ANO4: variants seen among roughly 807,000 people sequenced by gnomAD.
ANO4 encodes anoctamin 4, also known as anoctamin-4.
Under a neutral mutation model 141.9 loss-of-function variants are expected in ANO4, and 69 were observed. That is an observed-to-expected ratio of 0.49 (90% CI 0.40 to 0.59). The LOEUF is 0.59. Ranked by LOEUF, ANO4 falls within the 20% of genes least tolerant of loss-of-function variation. The pLI is 0.00. For synonymous variants in ANO4, 350 were observed against 394.3 expected (o/e 0.89, Z 1.33); for missense variants, 894 against 1,162.2 (o/e 0.77, Z 3.36).
chr12:100,941,129 A>G (rs978031034), intron 4 of ANO4, among the ~76,000 whole-genome samples: 2 of 152,060 alleles, frequency 1.3e-5, no homozygotes, highest in Non-Finnish European at 2.9e-5. Flanking sequence ...AAGGGTAAAC[A>G]ATTGTTTTGT....
In ANO4 at chr12:100,894,607, G is replaced by T. The variant is rs571942684; in HGVS notation, c.-140-7039G>T. The stretch of plus-strand genomic sequence containing the variant: ...CTACCTCTTCCGCATGTATACCTAC[G>T]TGTTTGAGCTTTTTCCTCCCTTGGA... On this transcript the variant is annotated intron_variant, in intron 1 of 27. Transcript: ENST00000392977. Among the ~76,000 whole-genome samples, 11 of 152,182 alleles carry T rather than the reference G, an allele frequency of 7.2e-5. No homozygotes were observed. In the South Asian group the frequency reaches 2.3e-3, roughly 32 times the overall value.
intron 1 of ANO4, among the ~76,000 whole-genome samples, chr12:100,721,492 G>T (rs1167151584): frequency 6.6e-6 from 1 of 152,148 alleles, no homozygotes; most frequent in African/African-American, 2.4e-5. Context: ...TGAAGATGAA[G>T]GGGAGAAATG....
At chr12:100,936,353 T>C (rs947836619) in intron 3 of ANO4, among the ~76,000 whole-genome samples, 1 of 152,154 alleles carries the variant, frequency 6.6e-6, no homozygotes, top group Non-Finnish European at 1.5e-5. Context: ...CCCTGGCCTC[T>C]ACTCACTGAA....
At chr12:101,107,108 C>G (rs1371528526) in intron 22 of ANO4, among the ~76,000 whole-genome samples, 3 of 152,080 alleles carry the variant, frequency 2.0e-5, no homozygotes, top group African/African-American at 4.8e-5. Flanking sequence ...TAAATATAAC[C>G]TGAAAGAACT....
intron 7 of ANO4, among the ~76,000 whole-genome samples, chr12:100,983,157 A>G (rs1198819927): frequency 6.6e-6 from 1 of 152,178 alleles, no homozygotes; most frequent in African/African-American, 2.4e-5. Context: ...CTCACTCATT[A>G]TCCTGCCACA....
At chr12:100,998,224 A>G (rs2045476316) in intron 8 of ANO4, among the ~76,000 whole-genome samples, 1 of 152,172 alleles carries the variant, frequency 6.6e-6, no homozygotes, top group Non-Finnish European at 1.5e-5. Context: ...CCTAGCCTAC[A>G]TCTCCCTCCC....
At chr12:100,809,784 T>C (rs1257854447) in intron 1 of ANO4, among the ~76,000 whole-genome samples, 2 of 152,184 alleles carry the variant, frequency 1.3e-5, no homozygotes, top group Admixed American at 6.5e-5. Context: ...ATAACTCTGG[T>C]AGCCATATGG....
rs551782652 is a variant in ANO4 at position 100,719,894 on chromosome 12, TAGAAATG to T, written c.22+2358_22+2364del. 3.1e-3 allele frequency among the ~76,000 whole-genome samples: 467 copies of T among 152,318 alleles called. 2 individuals are homozygous for T. The highest frequency in any genetic ancestry group is 4.9e-3 in the Non-Finnish European group (330 of 68,038). ...CAGGCCACCATCTAGACTCACATTC[TAGAAATG>T]AGAAATGAGATTAGGGTAATCAGTA... On this transcript the variant is annotated intron_variant, in intron 1 of 29. Transcript: ENST00000644049.
intron 3 of ANO4, among the ~76,000 whole-genome samples, chr12:100,926,942 G>A (rs1202284936): frequency 6.6e-6 from 1 of 152,122 alleles, no homozygotes; most frequent in Non-Finnish European, 1.5e-5. Context: ...CACACAGAGA[G>A]TTCCTGGCCT....
intron 4 of ANO4, 52 bp from the exon 5 acceptor site, chr12:100,942,325 G>C (rs1414436273): frequency 3.2e-6 from 5 of 1,575,202 alleles, no homozygotes; most frequent in Non-Finnish European, 4.3e-6. Flanking sequence ...TTACTCACTT[G>C]AACCTCAATT....
chr12:100,959,539 C>T (rs183334773), intron 5 of ANO4, among the ~76,000 whole-genome samples: 3 of 152,264 alleles, frequency 2.0e-5, no homozygotes, highest in African/African-American at 7.2e-5. Context: ...TCAGTTTGGG[C>T]TTTCTCCCTC....
chr12:100,967,040 A>G (rs1265200375), intron 5 of ANO4, among the ~76,000 whole-genome samples: 1 of 152,066 alleles, frequency 6.6e-6, no homozygotes, highest in South Asian at 2.1e-4. Context: ...AATTTATTAA[A>G]TAGAAGGTTT....
chr12:101,039,560 T>G (rs925491280), intron 10 of ANO4, among the ~76,000 whole-genome samples: 1 of 152,194 alleles, frequency 6.6e-6, no homozygotes, highest in African/African-American at 2.4e-5. Context: ...TAATAAGCCT[T>G]GGGCATGGCC....
intron 9 of ANO4, among the ~76,000 whole-genome samples, chr12:101,036,562 A>G (rs1269839086): frequency 6.6e-6 from 1 of 152,218 alleles, no homozygotes; most frequent in African/African-American, 2.4e-5. Flanking sequence ...ATGAACTTGG[A>G]AGGCATCATG....
intron 14 of ANO4, chr12:101,068,463 A>T: frequency 1.1e-6 from 1 of 926,998 alleles, no homozygotes; most frequent in Non-Finnish European, 1.8e-6. Context: ...GCCTTTCTTT[A>T]GTGGCTTTCT....
chr12:101,076,373 A>G (rs368317303), intron 14 of ANO4, among the ~76,000 whole-genome samples: 4 of 152,134 alleles, frequency 2.6e-5, no homozygotes, highest in Non-Finnish European at 5.9e-5. Flanking sequence ...TGGTGCCTTG[A>G]TCTTATATTT....
At chr12:101,124,554 T>A (rs1030031796) in intron 26 of ANO4, among the ~76,000 whole-genome samples, 9 of 152,238 alleles carry the variant, frequency 5.9e-5, no homozygotes, top group Non-Finnish European at 1.3e-4. Context: ...CATGCCTACA[T>A]CCTGAATGGC....
intron 16 of ANO4, 33 bp from the exon 17 acceptor site, chr12:101,086,627 A>C: frequency 1.2e-6 from 2 of 1,611,762 alleles, no homozygotes; most frequent in Non-Finnish European, 1.7e-6. Flanking sequence ...CATTCCACCA[A>C]GAGGTTCACC....
At chr12:101,029,391 A>G (rs766447516) in intron 9 of ANO4, among the ~76,000 whole-genome samples, 1 of 152,176 alleles carries the variant, frequency 6.6e-6, no homozygotes. Flanking sequence ...AGGAAATTGG[A>G]TAAAGACTAA....
Sources: allele counts gnomAD v4.1 joint callset (sites outside exome capture counted in the v4.1 genomes callset), GRCh38; gene constraint gnomAD v4.1.1; transcripts MANE v1.5; gene names NCBI Gene and HGNC (gene_info 2026-07-23, HGNC 2026-07-21).